DSG1: variants seen among roughly 807,000 people sequenced by gnomAD.
DSG1 encodes desmoglein-1.
DSG1 carries 39 observed loss-of-function variants against 97.5 expected under a neutral mutation model. The ratio of observed to expected loss-of-function variants is 0.40; its 90% confidence interval spans 0.31 to 0.52. DSG1 has a LOEUF of 0.52. DSG1 is among the 20% of genes least tolerant of loss of function. The probability of loss-of-function intolerance (pLI) is 0.53; values close to 1 mark genes in which losing one functional copy is unlikely to be tolerated. For missense variants in DSG1, 1,311 were observed against 1,295.4 expected, an observed-to-expected ratio of 1.01 and a Z score of -0.18; for synonymous variants, 475 against 443.4, an observed-to-expected ratio of 1.07 and a Z score of -0.90.
chr18:31,349,203 C>A (rs1462344173), intron 14 of DSG1, among the ~76,000 whole-genome samples: 3 of 138,756 alleles, frequency 2.2e-5, no homozygotes, highest in Admixed American at 7.3e-5. Flanking sequence ...GTTTTCCCAG[C>A]ACCATTTATT....
chr18:31,318,535 T>C (rs187144434), intron 1 of DSG1, among the ~76,000 whole-genome samples, 187 bp downstream of exon 1: 1 of 152,326 alleles, frequency 6.6e-6, no homozygotes, highest in African/African-American at 2.4e-5. Flanking sequence ...CTCAAGATCA[T>C]GTTAATGCCT....
At chr18:31,326,043 C>T (rs542577182) in intron 1 of DSG1, among the ~76,000 whole-genome samples, 60 of 151,986 alleles carry the variant, frequency 3.9e-4, no homozygotes, top group African/African-American at 1.3e-3. Context: ...ATGTAATTCT[C>T]ATAATAAAAA....
intron 7 of DSG1, 39 bp downstream of exon 7, chr18:31,333,762 C>T: frequency 6.2e-7 from 1 of 1,606,360 alleles, no homozygotes; most frequent in Non-Finnish European, 8.5e-7. Context: ...TCTAAATTCG[C>T]TATATTCTAA....
intron 3 of DSG1, among the ~76,000 whole-genome samples, chr18:31,327,478 C>T (rs1256609960): frequency 6.6e-6 from 1 of 152,034 alleles, no homozygotes; most frequent in Non-Finnish European, 1.5e-5. Flanking sequence ...AGAAACACCC[C>T]CCACAAATTC....
intron 1 of DSG1, 90 bp from the exon 2 acceptor site, chr18:31,326,491 G>A: frequency 9.7e-7 from 1 of 1,031,652 alleles, no homozygotes; most frequent in Non-Finnish European, 1.5e-6. Context: ...CAAGCCTATG[G>A]TTTCATGTTG....
At chr18:31,339,239 G>A (rs1256720879) in intron 10 of DSG1, among the ~76,000 whole-genome samples, 2 of 151,974 alleles carry the variant, frequency 1.3e-5, no homozygotes. Context: ...CAGGAACTAT[G>A]TTAATACAAA....
chr18:31,337,005 A>T (rs2071759787), intron 9 of DSG1, among the ~76,000 whole-genome samples: 1 of 152,222 alleles, frequency 6.6e-6, no homozygotes, highest in Admixed American at 6.5e-5. Flanking sequence ...AGCTCATTTC[A>T]ATTATATTCT....
chr18:31,333,576 T>C lies in DSG1; in HGVS notation c.685-13T>C, dbSNP rs2071733382. The C allele has an allele frequency of 2.5e-6, 4 of 1,613,646 alleles. No homozygotes were observed. The highest frequency in any genetic ancestry group is 3.4e-6 in the Non-Finnish European group (4 of 1,179,670). On this transcript the variant is annotated splice_polypyrimidine_tract_variant and intron_variant, in intron 6 of 14. Coordinates refer to ENST00000257192, the MANE Select transcript of DSG1 (RefSeq NM_001942.4). ...ACGTCAAGTGTGATATTGCCTGTAA[T>C]ATGTATTTTTAGCAATACGGCCAGT...
rs973296270 is a variant in DSG1, at chr18:31,359,162, T to G, written c.*3816T>G. 6.6e-6 allele frequency among the ~76,000 whole-genome samples: 1 copy of G among 152,172 alleles called. No individual in the cohort carries two copies. Among genetic ancestry groups the G allele is most frequent in the African/African-American group, 2.4e-5 (1 of 41,460 alleles). ...TTTTTGGATTATTTGGGTGCTAGTTTCTTGCTTGGTTATCTGTTCGTTTTT... is the reference window on the plus strand; with the variant it reads ...TTTTTGGATTATTTGGGTGCTAGTTGCTTGCTTGGTTATCTGTTCGTTTTT... On this transcript the variant is annotated 3_prime_UTR_variant, in exon 15 of 15. Coordinates refer to ENST00000257192, the MANE Select transcript of DSG1 (RefSeq NM_001942.4).
intron 1 of DSG1, among the ~76,000 whole-genome samples, chr18:31,325,078 G>C (rs2071677576): frequency 6.6e-6 from 1 of 152,172 alleles, no homozygotes; most frequent in Non-Finnish European, 1.5e-5. Context: ...AAGTCCAAGA[G>C]TGACTTTGTA....
In DSG1 at chr18:31,349,513, G is replaced by T. The variant is rs373353260; in HGVS notation, c.2100+3315G>T. Among the ~76,000 whole-genome samples, 1,446 of 146,098 alleles carry T rather than the reference G, an allele frequency of 9.9e-3. 33 individuals carry two copies. The highest frequency in any genetic ancestry group is 0.036 in the African/African-American group (1,362 of 37,636). ...TTCCAATTCTGTGAAGAAAGTCATT[G>T]GTAGCTTGATGGGGATGGCATTGAA... is the stretch of plus-strand genomic sequence containing the variant. On this transcript the variant is annotated intron_variant, in intron 14 of 14. Transcript: ENST00000257192.
intron 14 of DSG1, chr18:31,354,079 T>A (rs1465138149): frequency 1.8e-6 from 1 of 544,314 alleles, no homozygotes. Flanking sequence ...AGTAAATTTT[T>A]AAAATCATAG....
In DSG1 at chr18:31,336,505, G is replaced by T; in HGVS notation, c.1157G>T (p.Arg386Leu). ...VLNVIEGPVF[R>L]PGSKTYVVTG... is the part of the protein sequence containing the mutation. ...AATGTAATTGAAGGCCCAGTGTTTC[G>T]TCCAGGTTCAAAGACATATGTTGTA... Residue 386 changes from arginine (R) to leucine (L), a missense_variant, in exon 9 of 15, where the codon CGT becomes CTT. Physicochemically the swap from Arg to Leu is moderately radical, Grantham distance 102. Around this residue, in one of 3 missense-constraint regions of DSG1, gnomAD observed 1,038 missense variants for 964.6 expected, o/e 1.08. Coordinates refer to ENST00000257192, the MANE Select transcript of DSG1 (RefSeq NM_001942.4). 1 of 1,613,954 alleles carries T rather than the reference G, an allele frequency of 6.2e-7. No individual in the cohort carries two copies. Among genetic ancestry groups the T allele is most frequent in the Non-Finnish European group, 8.5e-7 (1 of 1,179,922 alleles).
chr18:31,352,378 C>T (rs1198348054), intron 14 of DSG1, among the ~76,000 whole-genome samples: 1 of 151,222 alleles, frequency 6.6e-6, no homozygotes. Flanking sequence ...GGTAACCCGA[C>T]CTTTCTCTCT....
At chr18:31,326,365 AT>A (rs1352989112) in intron 1 of DSG1, among the ~76,000 whole-genome samples, 1 of 152,120 alleles carries the variant, frequency 6.6e-6, no homozygotes, top group African/African-American at 2.4e-5. Flanking sequence ...AATAATAGTA[AT>A]AAAAAGAAGA....
chr18:31,343,810 A>G, intron 12 of DSG1, 116 bp from the exon 13 acceptor site: 1 of 1,166,326 alleles, frequency 8.6e-7, no homozygotes, highest in Non-Finnish European at 1.3e-6. Flanking sequence ...AATTTCCTAA[A>G]TAGTATTTTT....
rs1301360040 is a variant in DSG1 at position 31,358,256 on chromosome 18, C to T, written c.*2910C>T. Among the ~76,000 whole-genome samples, 1 of 151,796 alleles carries T rather than the reference C, an allele frequency of 6.6e-6. No individual in the cohort carries two copies. On this transcript the variant is annotated 3_prime_UTR_variant, in exon 15 of 15. Transcript: ENST00000257192. ...AATCAGTGTATTATAAATACTTTAC[C>T]ATTTAATATCAACCAAAATACCATC...
chr18:31,354,610 C>G lies in DSG1; in HGVS notation c.2414C>G (p.Thr805Ser). 6.2e-7 allele frequency: 1 copy of G among 1,614,176 alleles called. No individual in the cohort carries two copies. The highest frequency in any genetic ancestry group is 8.5e-7 in the Non-Finnish European group (1 of 1,180,024). The change falls in exon 15 of 15, where the codon ACT (threonine) becomes AGT (serine). Residue 805 changes from threonine to serine, a missense_variant. Around this residue, in one of 3 missense-constraint regions of DSG1, gnomAD observed 1,038 missense variants for 964.6 expected, o/e 1.08. Coordinates refer to ENST00000257192, the MANE Select transcript of DSG1 (RefSeq NM_001942.4). ...GHPPISPHFG[T>S]TTVISESTYP... The stretch of plus-strand genomic sequence containing the variant: ...CCACCAATCTCCCCACATTTCGGCA[C>G]TACCACAGTAATTTCTGAGAGCACC...
At chr18:31,320,037 A>C (rs2071643907) in intron 1 of DSG1, among the ~76,000 whole-genome samples, 1 of 152,090 alleles carries the variant, frequency 6.6e-6, no homozygotes, top group Non-Finnish European at 1.5e-5. Flanking sequence ...CATGAATTAC[A>C]ATGTTTCATT....
Sources: gnomAD v4.1 joint callset for allele counts (sites outside exome capture counted in the v4.1 genomes callset) on GRCh38, gnomAD v4.1.1 for gene constraint, gnomAD v4.1.1 regional missense constraint, MANE v1.5 for transcripts, NCBI Gene and HGNC (gene_info 2026-07-23, HGNC 2026-07-21) for gene names.